Variants in ADAMTSL1 observed in about 807,000 individuals in gnomAD.
The protein encoded by ADAMTSL1 is ADAMTS-like protein 1.
In ADAMTSL1, 126 loss-of-function variants were observed where a neutral mutation model predicts 201.8. The observed-to-expected ratio is 0.62, with a 90% CI of 0.54 to 0.72. ADAMTSL1 has a LOEUF of 0.72. ADAMTSL1 is among the 30% of genes least tolerant of loss of function. The probability of loss-of-function intolerance (pLI) is 0.00; values close to 1 mark genes in which losing one functional copy is unlikely to be tolerated. For synonymous variants in ADAMTSL1, 1,121 were observed against 903.4 expected, an observed-to-expected ratio of 1.24 and a Z score of -4.32; for missense variants, 2,679 against 2,277.8, an observed-to-expected ratio of 1.18 and a Z score of -3.59.
At chr9:18,790,930 C>T (rs1043003492) in intron 19 of ADAMTSL1, among the ~76,000 whole-genome samples, 2 of 152,100 alleles carry the variant, frequency 1.3e-5, no homozygotes, top group Non-Finnish European at 2.9e-5. Context: ...CATTCTATGT[C>T]CCCACATCCT....
chr9:18,813,975 A>C (rs1202927912), intron 20 of ADAMTSL1, among the ~76,000 whole-genome samples: 1 of 152,162 alleles, frequency 6.6e-6, no homozygotes, highest in Non-Finnish European at 1.5e-5. Context: ...TATATTCCTG[A>C]AGCCTTCTCA....
intron 11 of ADAMTSL1, 104 bp from the exon 12 acceptor site, chr9:18,681,708 G>GGGGT: frequency 1.3e-6 from 1 of 745,514 alleles, no homozygotes; most frequent in South Asian, 3.0e-5. Flanking sequence ...GGGGGGGGGG[G>GGGGT]GCGGGGAAAA....
At chr9:18,020,067 T>G (rs966456357) in intron 1 of ADAMTSL1, among the ~76,000 whole-genome samples, 1 of 152,108 alleles carries the variant, frequency 6.6e-6, no homozygotes, top group East Asian at 1.9e-4. Context: ...AGAAGGGAAC[T>G]TTTCTGTTTA....
chr9:18,865,731 G>C (rs1028883042), intron 23 of ADAMTSL1, among the ~76,000 whole-genome samples: 1 of 152,098 alleles, frequency 6.6e-6, no homozygotes, highest in Non-Finnish European at 1.5e-5. Context: ...TCTTTCAGTG[G>C]TTAAGAAGGG....
intron 2 of ADAMTSL1, among the ~76,000 whole-genome samples, chr9:18,191,597 C>A (rs1828973803): frequency 6.6e-6 from 1 of 152,172 alleles, no homozygotes; most frequent in South Asian, 2.1e-4. Context: ...TCCTTAAAGG[C>A]TCTGGCCTTG....
chr9:18,423,785 C>A (rs890855353), intron 2 of ADAMTSL1, among the ~76,000 whole-genome samples: 5 of 152,172 alleles, frequency 3.3e-5, no homozygotes, highest in African/African-American at 1.2e-4. Flanking sequence ...ATCCATCTTA[C>A]TTGCAATGTA....
intron 13 of ADAMTSL1, among the ~76,000 whole-genome samples, chr9:18,699,426 G>T (rs1831793039): frequency 6.6e-6 from 1 of 150,758 alleles, no homozygotes. Flanking sequence ...CTGGGTGCAA[G>T]AGATCCTCCC....
intron 4 of ADAMTSL1, among the ~76,000 whole-genome samples, chr9:18,606,219 G>A (rs1479780442): frequency 1.3e-5 from 2 of 152,124 alleles, no homozygotes; most frequent in African/African-American, 4.8e-5. Flanking sequence ...AGTCAATGCT[G>A]AAGCCAAGCT....
At chr9:18,422,770 T>A (rs779781724) in intron 2 of ADAMTSL1, among the ~76,000 whole-genome samples, 6 of 152,206 alleles carry the variant, frequency 3.9e-5, no homozygotes, top group Non-Finnish European at 7.3e-5. Context: ...ATGGCCTCTG[T>A]CACAGCCTTC....
At chr9:18,889,159 A>G (rs1287703624) in intron 24 of ADAMTSL1, among the ~76,000 whole-genome samples, 1 of 152,162 alleles carries the variant, frequency 6.6e-6, no homozygotes, top group Non-Finnish European at 1.5e-5. Flanking sequence ...TATTTGCTAT[A>G]TTTATATATC....
intron 1 of ADAMTSL1, among the ~76,000 whole-genome samples, chr9:17,994,136 C>G (rs1408768055): frequency 6.7e-6 from 1 of 149,610 alleles, no homozygotes; most frequent in Non-Finnish European, 1.5e-5. Flanking sequence ...ATATAGTCCA[C>G]AGGGGTGATC....
chr9:18,885,067 C>T (rs907945074), intron 23 of ADAMTSL1, among the ~76,000 whole-genome samples: 67 of 152,074 alleles, frequency 4.4e-4, no homozygotes, highest in African/African-American at 1.5e-3. Flanking sequence ...TTGTTTCAGC[C>T]GTATTTTGTC....
At position 18,359,827 on chromosome 9, in the gene ADAMTSL1, G is replaced by GCCCC. The variant is rs1352201698; in HGVS notation, c.208-144998_208-144995dup. ...GGGTTAATGCCCCACCTCCCCACCC[G>GCCCC]CCCCCCCGCCCACACAAAATGCCCC... On this transcript the variant is annotated intron_variant, in intron 2 of 29. Transcript: ENST00000680146. Among the ~76,000 whole-genome samples, 140 of 39,332 alleles carry GCCCC rather than the reference G, an allele frequency of 3.6e-3. 3 individuals carry two copies. Among genetic ancestry groups the GCCCC allele is most frequent in the South Asian group, 6.4e-3 (5 of 780 alleles). 25.8% of individuals were successfully genotyped at this position (39,332 alleles called of 152,430 possible).
chr9:18,634,735 G>A (rs1307943864), intron 5 of ADAMTSL1, among the ~76,000 whole-genome samples: 1 of 151,204 alleles, frequency 6.6e-6, no homozygotes, highest in Non-Finnish European at 1.5e-5. Flanking sequence ...CTACTTGGGA[G>A]GCTGAGGCAG....
At chr9:18,903,426 A>T (rs944181959) in intron 26 of ADAMTSL1, among the ~76,000 whole-genome samples, 1 of 152,246 alleles carries the variant, frequency 6.6e-6, no homozygotes, top group African/African-American at 2.4e-5. Context: ...TTAAAAGTTA[A>T]GTCTCAGTGG....
At chr9:18,417,671 A>C (rs1818746148) in intron 2 of ADAMTSL1, among the ~76,000 whole-genome samples, 2 of 152,146 alleles carry the variant, frequency 1.3e-5, no homozygotes, top group Admixed American at 1.3e-4. Flanking sequence ...ACCAAAACTC[A>C]TCCAAGATTA....
intron 1 of ADAMTSL1, among the ~76,000 whole-genome samples, chr9:18,139,025 C>T (rs890899939): frequency 6.6e-6 from 1 of 152,118 alleles, no homozygotes; most frequent in Non-Finnish European, 1.5e-5. Flanking sequence ...GAGATTACCT[C>T]ACCTGTTTTA....
intron 2 of ADAMTSL1, among the ~76,000 whole-genome samples, chr9:18,207,257 G>T (rs1442072327): frequency 6.6e-6 from 1 of 152,018 alleles, no homozygotes; most frequent in Non-Finnish European, 1.5e-5. Context: ...GAGGAAAGAA[G>T]AAAAGAATAA....
intron 1 of ADAMTSL1, among the ~76,000 whole-genome samples, chr9:18,503,571 T>A (rs2131923649): frequency 6.6e-6 from 1 of 152,102 alleles, no homozygotes; most frequent in African/African-American, 2.4e-5. Context: ...AGTATCTTTA[T>A]TATCTCCATC....
Sources: gnomAD v4.1 joint callset for allele counts (sites outside exome capture counted in the v4.1 genomes callset) on GRCh38, gnomAD v4.1.1 for gene constraint, MANE v1.5 for transcripts, NCBI Gene and HGNC (gene_info 2026-07-23, HGNC 2026-07-21) for gene names.